NCOR1: variants seen among roughly 807,000 people sequenced by gnomAD.
NCOR1 encodes the protein nuclear receptor corepressor 1.
Under a neutral mutation model 288.1 loss-of-function variants are expected in NCOR1, and 63 were observed. The observed-to-expected ratio is 0.22, with a 90% CI of 0.18 to 0.27. The LOEUF (loss-of-function observed/expected upper bound fraction) is 0.27, where lower values mean the gene tolerates loss of function less well. Among genes scored for constraint, NCOR1 ranks in the 10% least tolerant of loss-of-function variants. The pLI is 1.00. For synonymous variants in NCOR1, 1,007 were observed against 1,065.9 expected (o/e 0.94, Z 1.08); for missense variants, 2,397 against 3,019.2 (o/e 0.79, Z 4.83).
chr17:16,196,559 C>A (rs2089843926), intron 1 of NCOR1, among the ~76,000 whole-genome samples: 1 of 152,100 alleles, frequency 6.6e-6, no homozygotes, highest in Admixed American at 6.6e-5. Context: ...GGCGTGGTGG[C>A]TCATGCCTGT....
At chr17:16,166,437 T>C (rs550157501) in intron 4 of NCOR1, among the ~76,000 whole-genome samples, 2 of 152,266 alleles carry the variant, frequency 1.3e-5, no homozygotes, top group African/African-American at 2.4e-5. Flanking sequence ...TCCCAGTACT[T>C]TGGGATGCTG....
intron 32 of NCOR1, among the ~76,000 whole-genome samples, chr17:16,066,518 T>C (rs2061142958): frequency 1.3e-5 from 2 of 152,150 alleles, no homozygotes; most frequent in Admixed American, 1.3e-4. Flanking sequence ...ATGAAGACAA[T>C]GATAAACACT....
chr17:16,144,782 C>T (rs749193333), intron 10 of NCOR1, among the ~76,000 whole-genome samples: 1 of 151,016 alleles, frequency 6.6e-6, no homozygotes, highest in Non-Finnish European at 1.5e-5. Flanking sequence ...CCTCTCCTCC[C>T]GCTTTCCACG....
chr17:16,100,546 C>T (rs2067430137), intron 20 of NCOR1, among the ~76,000 whole-genome samples: 1 of 152,060 alleles, frequency 6.6e-6, no homozygotes, highest in Non-Finnish European at 1.5e-5. Context: ...AAGGCTGAGG[C>T]AGGAGAATCA....
chr17:16,085,658 A>C (rs2064115403), intron 23 of NCOR1, among the ~76,000 whole-genome samples: 1 of 152,200 alleles, frequency 6.6e-6, no homozygotes, highest in Non-Finnish European at 1.5e-5. Context: ...GAAAAGGCAA[A>C]ACTAATCTAC....
chr17:16,096,838 CCATA>C (rs1425588566), intron 21 of NCOR1, among the ~76,000 whole-genome samples: 1 of 152,162 alleles, frequency 6.6e-6, no homozygotes, highest in African/African-American at 2.4e-5. Flanking sequence ...CAAGGGCTGA[CCATA>C]CAGGTACTAG....
At chr17:16,190,430 G>C (rs1012053104) in intron 2 of NCOR1, among the ~76,000 whole-genome samples, 5 of 151,892 alleles carry the variant, frequency 3.3e-5, no homozygotes, top group Non-Finnish European at 7.4e-5. Context: ...CGCCTCCCGG[G>C]TTCACGCCAT....
At chr17:16,075,074 T>C (rs554487324) in intron 27 of NCOR1, among the ~76,000 whole-genome samples, 2 of 152,298 alleles carry the variant, frequency 1.3e-5, no homozygotes, top group South Asian at 4.1e-4. Context: ...TTCACCGTGT[T>C]AGCCAGGATG....
At position 16,184,155 on chromosome 17, in the gene NCOR1, T is replaced by G. The variant is rs178822; in HGVS notation, c.242+2399A>C. On this transcript the variant is annotated intron_variant, in intron 3 of 45. Transcript: ENST00000268712. Reference sequence around the variant, plus strand: ...CAAGAGAACGTAGGGAGAAAAGCTCTGGGACACCGACCTTGGCAATGATTT... The same window carrying G: ...CAAGAGAACGTAGGGAGAAAAGCTCGGGGACACCGACCTTGGCAATGATTT... Among the ~76,000 whole-genome samples the G allele has an allele frequency of 5.7e-4, 86 of 152,160 alleles. No individual in the cohort carries two copies. In the East Asian group the frequency reaches 0.012, roughly 21 times the overall value.
At chr17:16,065,378 T>C (rs566597289) in intron 33 of NCOR1, 107 bp downstream of exon 33, 92 of 1,234,934 alleles carry the variant, frequency 7.4e-5, no homozygotes, top group Non-Finnish European at 1.0e-4. Context: ...TAGTATTCTT[T>C]TCTTTCTTTC....
In NCOR1 at chr17:16,057,655, G is replaced by A; in HGVS notation, c.6251C>T (p.Ser2084Leu). Residue 2084 changes from serine (S) to leucine (L), a missense_variant, in exon 40 of 46, where the codon TCA becomes TTA. Ser to Leu is a moderately radical substitution (Grantham distance 145, BLOSUM62 -2). Transcript: ENST00000268712. ...AGGTGTAGATACCAAAGCAGAAGGT[G>A]AGTTCTGGAATGTAGAAGTAGGAGG... ...QQPPTSTFQN[S>L]PSALVSTPVR... 6.2e-7 allele frequency: 1 copy of A among 1,613,862 alleles called. No individual in the cohort carries two copies. The highest frequency in any genetic ancestry group is 1.1e-5 in the South Asian group (1 of 91,058).
intron 6 of NCOR1, among the ~76,000 whole-genome samples, chr17:16,158,536 T>C (rs2080194656): frequency 6.6e-6 from 1 of 152,160 alleles, no homozygotes; most frequent in Non-Finnish European, 1.5e-5. Context: ...ATACATAATG[T>C]AAAATGAAAT....
chr17:16,147,882 G>A (rs777702694), intron 9 of NCOR1, among the ~76,000 whole-genome samples: 7 of 152,102 alleles, frequency 4.6e-5, no homozygotes, highest in Non-Finnish European at 7.4e-5. Context: ...GCAGTGGCGC[G>A]ATCTCGCTCA....
At chr17:16,127,226 TAC>T (rs1213871588) in intron 14 of NCOR1, among the ~76,000 whole-genome samples, 3 of 146,214 alleles carry the variant, frequency 2.1e-5, no homozygotes, top group South Asian at 2.1e-4. Context: ...TATGTATATA[TAC>T]ATGTATGCAT....
chr17:16,079,769 T>G (rs1466097147), intron 26 of NCOR1, among the ~76,000 whole-genome samples, 195 bp downstream of exon 26: 1 of 152,228 alleles, frequency 6.6e-6, no homozygotes, highest in Non-Finnish European at 1.5e-5. Context: ...TGAACCAAAG[T>G]ATTCATAATA....
chr17:16,057,490 T>C (rs2060072489), intron 40 of NCOR1, 24 bp downstream of exon 40: 1 of 1,598,128 alleles, frequency 6.3e-7, no homozygotes, highest in African/African-American at 1.3e-5. Flanking sequence ...GCAATTTATA[T>C]ATAATTTGGA....
At chr17:16,124,051 AATGTTTAACCCAAACT>A (rs1240747895) in intron 15 of NCOR1, among the ~76,000 whole-genome samples, 2 of 152,186 alleles carry the variant, frequency 1.3e-5, no homozygotes, top group African/African-American at 2.4e-5. Flanking sequence ...TGGCCCAAAA[AATGTTTAACCCAAACT>A]AAAAGAAAAA....
chr17:16,042,002 G>A (rs2057793229), intron 42 of NCOR1, among the ~76,000 whole-genome samples: 1 of 152,142 alleles, frequency 6.6e-6, no homozygotes. Context: ...CCAAAGTGCT[G>A]GGATTACAGG....
chr17:16,087,189 C>T (rs1284786890), intron 22 of NCOR1: 64 of 1,303,862 alleles, frequency 4.9e-5, no homozygotes, highest in Non-Finnish European at 4.6e-5. Flanking sequence ...GACACTATAG[C>T]GGGCTGCACT....
Sources: gnomAD v4.1 joint callset for allele counts (sites outside exome capture counted in the v4.1 genomes callset) on GRCh38, gnomAD v4.1.1 for gene constraint, MANE v1.5 for transcripts, NCBI Gene and HGNC (gene_info 2026-07-23, HGNC 2026-07-21) for gene names.